ARHGAP15: variants seen among roughly 807,000 people sequenced by gnomAD.
ARHGAP15 encodes the protein Rho GTPase activating protein 15, also known as rho GTPase-activating protein 15.
In ARHGAP15, 51 loss-of-function variants were observed where a neutral mutation model predicts 63.7. The observed-to-expected ratio is 0.80, with a 90% CI of 0.64 to 1.01. ARHGAP15 has a LOEUF of 1.01. Ranked by LOEUF, ARHGAP15 falls within the 50% of genes least tolerant of loss-of-function variation. The pLI, the probability that ARHGAP15 is intolerant of heterozygous loss-of-function variation, is 0.00. For synonymous variants in ARHGAP15, 191 were observed against 193.8 expected, an observed-to-expected ratio of 0.99 and a Z score of 0.12; for missense variants, 560 against 564.6, an observed-to-expected ratio of 0.99 and a Z score of 0.08.
At chr2:143,651,134 A>C (rs1681141803) in intron 12 of ARHGAP15, among the ~76,000 whole-genome samples, 1 of 151,974 alleles carries the variant, frequency 6.6e-6, no homozygotes, top group Admixed American at 6.6e-5. Context: ...GGAGCATTTA[A>C]ATTTGTTTGC....
intron 6 of ARHGAP15, among the ~76,000 whole-genome samples, chr2:143,406,308 G>A (rs528565100): frequency 3.3e-5 from 5 of 151,768 alleles, no homozygotes; most frequent in South Asian, 4.1e-4. Context: ...TTAGAAGAGT[G>A]TTTGTTTATA....
intron 13 of ARHGAP15, among the ~76,000 whole-genome samples, chr2:143,736,104 C>T (rs556703084): frequency 2.0e-5 from 3 of 152,202 alleles, no homozygotes; most frequent in East Asian, 3.9e-4. Flanking sequence ...ATGTGTCAGG[C>T]GCAGTGGCTC....
intron 12 of ARHGAP15, among the ~76,000 whole-genome samples, chr2:143,674,045 G>A (rs1682703301): frequency 6.6e-6 from 1 of 151,832 alleles, no homozygotes; most frequent in Non-Finnish European, 1.5e-5. Flanking sequence ...GTACATTGCT[G>A]ATGAGAGTAT....
At chr2:143,235,156 T>C (rs1693592577) in intron 5 of ARHGAP15, among the ~76,000 whole-genome samples, 1 of 151,916 alleles carries the variant, frequency 6.6e-6, no homozygotes, top group African/African-American at 2.4e-5. Flanking sequence ...ATATAAGGCA[T>C]AGAGATATAA....
chr2:143,688,975 A>G (rs556028180), intron 12 of ARHGAP15, among the ~76,000 whole-genome samples: 17 of 152,270 alleles, frequency 1.1e-4, no homozygotes, highest in Admixed American at 9.8e-4. Flanking sequence ...ATATTGAGGT[A>G]GTTTTTTAAC....
intron 3 of ARHGAP15, among the ~76,000 whole-genome samples, chr2:143,202,939 G>A (rs561574509): frequency 4.6e-5 from 7 of 151,966 alleles, no homozygotes; most frequent in African/African-American, 7.3e-5. Flanking sequence ...TTAAAAACAC[G>A]TAAGACCAAC....
At chr2:143,596,957 CTAAG>C (rs1019633589) in intron 11 of ARHGAP15, among the ~76,000 whole-genome samples, 1 of 152,086 alleles carries the variant, frequency 6.6e-6, no homozygotes, top group African/African-American at 2.4e-5. Flanking sequence ...TTCAGACCCT[CTAAG>C]GACCTTCACT....
At chr2:143,542,700 T>C (rs1456637586) in intron 10 of ARHGAP15, among the ~76,000 whole-genome samples, 3 of 141,488 alleles carry the variant, frequency 2.1e-5, no homozygotes, top group African/African-American at 7.8e-5. Flanking sequence ...GTATCACATA[T>C]ATAATATATA....
At chr2:143,712,254 C>T (rs1473712054) in intron 13 of ARHGAP15, among the ~76,000 whole-genome samples, 2 of 152,122 alleles carry the variant, frequency 1.3e-5, no homozygotes, top group African/African-American at 4.8e-5. Context: ...CAGGATGGCA[C>T]CCAGATTTTG....
chr2:143,204,433 A>G, intron 3 of ARHGAP15, among the ~76,000 whole-genome samples: 1 of 152,084 alleles, frequency 6.6e-6, no homozygotes, highest in Non-Finnish European at 1.5e-5. Context: ...GGTTGCAAAC[A>G]GCTGACTTCT....
chr2:143,381,442 T>C (rs1018964977), intron 6 of ARHGAP15, among the ~76,000 whole-genome samples: 2 of 143,602 alleles, frequency 1.4e-5, no homozygotes, highest in Non-Finnish European at 3.1e-5. Context: ...TGAAAGGTAC[T>C]TGTGTGGCAA....
intron 11 of ARHGAP15, among the ~76,000 whole-genome samples, chr2:143,603,117 G>A (rs1008535649): frequency 6.6e-6 from 1 of 152,144 alleles, no homozygotes; most frequent in African/African-American, 2.4e-5. Context: ...GCTGCTATAT[G>A]TAGTCAATGG....
At chr2:143,721,184 G>A (rs1685042947) in intron 13 of ARHGAP15, among the ~76,000 whole-genome samples, 1 of 151,816 alleles carries the variant, frequency 6.6e-6, no homozygotes, top group South Asian at 2.1e-4. Flanking sequence ...CACACTTTCA[G>A]AACAGGATCT....
intron 12 of ARHGAP15, among the ~76,000 whole-genome samples, chr2:143,640,432 T>C (rs1428823703): frequency 6.6e-6 from 1 of 152,128 alleles, no homozygotes; most frequent in Non-Finnish European, 1.5e-5. Flanking sequence ...AGCTCTGTTA[T>C]ACAGCTACTA....
At chr2:143,560,587 A>C (rs1431704459) in intron 11 of ARHGAP15, among the ~76,000 whole-genome samples, 1 of 152,198 alleles carries the variant, frequency 6.6e-6, no homozygotes, top group Non-Finnish European at 1.5e-5. Flanking sequence ...AAAAGCAGAG[A>C]TTAGTCTTTT....
chr2:143,286,277 G>C (rs1444534629), intron 6 of ARHGAP15, among the ~76,000 whole-genome samples: 2 of 152,194 alleles, frequency 1.3e-5, no homozygotes, highest in East Asian at 3.8e-4. Context: ...ACTGAAGCTT[G>C]AAGCTCTGGT....
chr2:143,184,559 G>C lies in ARHGAP15; in HGVS notation c.166-17575G>C, dbSNP rs1691364877. On this transcript the variant is annotated intron_variant, in intron 2 of 13. Transcript: ENST00000295095. Reference sequence around the variant, plus strand: ...ATATCTAGTTACTTTATATATTTGAGCATAAATTTAACAATTAATGATACT... The same window carrying C: ...ATATCTAGTTACTTTATATATTTGACCATAAATTTAACAATTAATGATACT... 3.3e-5 allele frequency among the ~76,000 whole-genome samples: 5 copies of C among 151,792 alleles called. No homozygotes were observed. The South Asian group carries it at 1.0e-3, about 31-fold the overall frequency.
At chr2:143,489,135 T>C (rs1692460939) in intron 9 of ARHGAP15, among the ~76,000 whole-genome samples, 3 of 152,166 alleles carry the variant, frequency 2.0e-5, no homozygotes, top group Non-Finnish European at 4.4e-5. Context: ...TTTTCACGAC[T>C]GGGACAAAAT....
At chr2:143,491,602 G>T (rs1692583401) in intron 9 of ARHGAP15, among the ~76,000 whole-genome samples, 1 of 152,110 alleles carries the variant, frequency 6.6e-6, no homozygotes, top group South Asian at 2.1e-4. Context: ...ACACCTCAGG[G>T]ATTTATGATA....
Sources: allele counts gnomAD v4.1 joint callset (sites outside exome capture counted in the v4.1 genomes callset), GRCh38; gene constraint gnomAD v4.1.1; transcripts MANE v1.5; gene names NCBI Gene and HGNC (gene_info 2026-07-23, HGNC 2026-07-21).